PAQR5: variants seen among roughly 807,000 people sequenced by gnomAD.
PAQR5 encodes membrane progestin receptor gamma.
A neutral mutation model predicts 34.5 loss-of-function variants in PAQR5; 20 were observed. That is an observed-to-expected ratio of 0.58 (90% CI 0.41 to 0.84). The LOEUF (loss-of-function observed/expected upper bound fraction) is 0.84. PAQR5 is among the 40% of genes least tolerant of loss of function. The probability of loss-of-function intolerance (pLI) is 0.00; values close to 1 mark genes in which losing one functional copy is unlikely to be tolerated. For synonymous variants in PAQR5, 131 were observed against 155.6 expected (o/e 0.84, Z 1.18); for missense variants, 378 against 412.7 (o/e 0.92, Z 0.73).
At chr15:69,362,342 G>T (rs1335364757) in intron 3 of PAQR5, among the ~76,000 whole-genome samples, 1 of 152,136 alleles carries the variant, frequency 6.6e-6, no homozygotes, top group South Asian at 2.1e-4. Flanking sequence ...TGGGTTTTTG[G>T]GCATCATGCC....
intron 1 of PAQR5, among the ~76,000 whole-genome samples, chr15:69,306,274 G>A (rs1272510885): frequency 6.6e-6 from 1 of 151,912 alleles, no homozygotes; most frequent in Non-Finnish European, 1.5e-5. Flanking sequence ...AGGAAGAGGT[G>A]GAATTTTTGT....
At chr15:69,306,754 T>C (rs183003823) in intron 1 of PAQR5, among the ~76,000 whole-genome samples, 3 of 152,260 alleles carry the variant, frequency 2.0e-5, no homozygotes, top group African/African-American at 7.2e-5. Context: ...TACATTCACA[T>C]TGTTGTGCAA....
chr15:69,321,689 T>G (rs1261533434), intron 1 of PAQR5, among the ~76,000 whole-genome samples: 2 of 152,224 alleles, frequency 1.3e-5, no homozygotes, highest in African/African-American at 2.4e-5. Context: ...AAGTGCAGTT[T>G]TCGTGAACAC....
chr15:69,300,845 C>CGT, intron 1 of PAQR5, among the ~76,000 whole-genome samples: 1 of 4,772 alleles, frequency 2.1e-4, no homozygotes, highest in African/African-American at 1.5e-3. Flanking sequence ...AGTTCGTTTT[C>CGT]TTTCTTTCTT....
At chr15:69,370,504 AT>A (rs1409728154) in intron 3 of PAQR5, among the ~76,000 whole-genome samples, 1 of 152,074 alleles carries the variant, frequency 6.6e-6, no homozygotes, top group African/African-American at 2.4e-5. Flanking sequence ...ATCCCCCTTT[AT>A]TTTATTATTT....
intron 2 of PAQR5, among the ~76,000 whole-genome samples, chr15:69,343,350 C>A (rs553649607): frequency 6.6e-6 from 1 of 152,282 alleles, no homozygotes; most frequent in South Asian, 2.1e-4. Context: ...CGCCAGGTAA[C>A]CCTGGACTTT....
chr15:69,300,751 TCTTTC>T, intron 1 of PAQR5, among the ~76,000 whole-genome samples: 1 of 54,978 alleles, frequency 1.8e-5, no homozygotes, highest in African/African-American at 5.4e-5. Flanking sequence ...TTTCTTTCAT[TCTTTC>T]TCTTCCTTCC....
chr15:69,319,648 G>A (rs1010573047), intron 1 of PAQR5, among the ~76,000 whole-genome samples: 2 of 152,100 alleles, frequency 1.3e-5, no homozygotes, highest in Non-Finnish European at 2.9e-5. Flanking sequence ...CCAGGCTCCT[G>A]TCTCTACCCT....
intron 6 of PAQR5, among the ~76,000 whole-genome samples, chr15:69,393,485 T>C (rs1416222011): frequency 6.9e-6 from 1 of 145,916 alleles, no homozygotes; most frequent in Non-Finnish European, 1.5e-5. Flanking sequence ...ACGTCTTCAA[T>C]GAGGGCATCT....
intron 2 of PAQR5, among the ~76,000 whole-genome samples, chr15:69,346,683 A>G (rs1188468408): frequency 1.3e-5 from 2 of 149,996 alleles, no homozygotes; most frequent in African/African-American, 2.5e-5. Context: ...GTACAGTAGC[A>G]TGATCTTGGC....
intron 2 of PAQR5, among the ~76,000 whole-genome samples, chr15:69,342,605 C>T (rs920222397): frequency 4.6e-5 from 7 of 152,188 alleles, no homozygotes; most frequent in Non-Finnish European, 1.0e-4. Context: ...CTGCCTCCCT[C>T]CATCGTCCCC....
At chr15:69,304,361 T>C (rs1232270592) in intron 1 of PAQR5, among the ~76,000 whole-genome samples, 1 of 152,222 alleles carries the variant, frequency 6.6e-6, no homozygotes, top group Non-Finnish European at 1.5e-5. Context: ...TCATAAATAA[T>C]GGGATTGCAC....
intron 2 of PAQR5, among the ~76,000 whole-genome samples, chr15:69,347,201 T>C (rs2054797041): frequency 6.6e-6 from 1 of 152,192 alleles, no homozygotes; most frequent in African/African-American, 2.4e-5. Flanking sequence ...GAGTTCTTAT[T>C]TATCCGGATG....
intron 3 of PAQR5, among the ~76,000 whole-genome samples, chr15:69,365,088 T>G (rs1385002369): frequency 7.4e-6 from 1 of 135,614 alleles, no homozygotes; most frequent in Admixed American, 7.8e-5. Context: ...TTTTATTTTA[T>G]TTTATTTTAT....
At chr15:69,308,384 T>C (rs1275478815) in intron 1 of PAQR5, among the ~76,000 whole-genome samples, 1 of 152,198 alleles carries the variant, frequency 6.6e-6, no homozygotes, top group African/African-American at 2.4e-5. Context: ...GAGTGTGTTA[T>C]GGAAATGTAT....
chr15:69,376,381 C>G (rs2055707428), intron 3 of PAQR5, among the ~76,000 whole-genome samples: 1 of 152,170 alleles, frequency 6.6e-6, no homozygotes. Context: ...AAGGTCTGCT[C>G]TATGCAAAAC....
At chr15:69,300,627 T>TCCC (rs2053526257) in intron 1 of PAQR5, among the ~76,000 whole-genome samples, 1 of 47,858 alleles carries the variant, frequency 2.1e-5, no homozygotes, top group African/African-American at 7.0e-5. Flanking sequence ...CTTTCTTTCT[T>TCCC]TCTTTCTTTC....
chr15:69,363,024 G>A (rs937529507), intron 3 of PAQR5, among the ~76,000 whole-genome samples: 8 of 152,150 alleles, frequency 5.3e-5, no homozygotes, highest in Non-Finnish European at 1.0e-4. Context: ...TGGAGTGGCA[G>A]GTGCCTGCTC....
At chr15:69,364,979 A>T (rs934342197) in intron 3 of PAQR5, among the ~76,000 whole-genome samples, 1 of 151,702 alleles carries the variant, frequency 6.6e-6, no homozygotes, top group Non-Finnish European at 1.5e-5. Flanking sequence ...CTCGTGATTC[A>T]CCTGCCTTGG....
Sources: allele counts gnomAD v4.1 joint callset (sites outside exome capture counted in the v4.1 genomes callset), GRCh38; gene constraint gnomAD v4.1.1; transcripts MANE v1.5; gene names NCBI Gene and HGNC (gene_info 2026-07-23, HGNC 2026-07-21).